Variants in CHL1 observed in about 807,000 individuals in gnomAD.
CHL1 encodes the protein neural cell adhesion molecule L1-like protein.
A neutral mutation model predicts 141.9 loss-of-function variants in CHL1; 96 were observed. That is an observed-to-expected ratio of 0.68 (90% CI 0.57 to 0.80). The LOEUF (loss-of-function observed/expected upper bound fraction) is 0.80. Among genes scored for constraint, CHL1 ranks in the 30% least tolerant of loss-of-function variants. The probability of loss-of-function intolerance (pLI) is 0.00; values close to 1 mark genes in which losing one functional copy is unlikely to be tolerated. For synonymous variants in CHL1, 613 were observed against 502.2 expected, an observed-to-expected ratio of 1.22 and a Z score of -2.95; for missense variants, 1,820 against 1,457.2, an observed-to-expected ratio of 1.25 and a Z score of -4.05.
intron 2 of CHL1, among the ~76,000 whole-genome samples, chr3:264,918 A>T (rs542428326): frequency 6.6e-6 from 1 of 152,292 alleles, no homozygotes; most frequent in South Asian, 2.1e-4. Context: ...CTTTATTTTG[A>T]ACACTAGGAA....
At chr3:289,870 T>A (rs1358364967) in intron 2 of CHL1, among the ~76,000 whole-genome samples, 1 of 151,354 alleles carries the variant, frequency 6.6e-6, no homozygotes, top group East Asian at 1.9e-4. Flanking sequence ...GAGCATCAAA[T>A]ATACCAAAAA....
intron 1 of CHL1, among the ~76,000 whole-genome samples, chr3:243,483 G>C (rs893925367): frequency 1.3e-5 from 2 of 152,126 alleles, no homozygotes; most frequent in African/African-American, 4.8e-5. Flanking sequence ...CTGAAAAGAG[G>C]TTACTAAACA....
chr3:319,379 G>C (rs549045389), intron 2 of CHL1, among the ~76,000 whole-genome samples: 1 of 151,486 alleles, frequency 6.6e-6, no homozygotes, highest in African/African-American at 2.4e-5. Flanking sequence ...TAAAATAGAA[G>C]TTGAGAATAA....
intron 11 of CHL1, 86 bp from the exon 12 acceptor site, chr3:360,194 TATAA>T (rs1271464698): frequency 1.4e-6 from 2 of 1,467,438 alleles, no homozygotes; most frequent in African/African-American, 2.8e-5. Context: ...GGTTTGAAAA[TATAA>T]ATACTGTGTG....
At chr3:220,867 G>C in intron 1 of CHL1, among the ~76,000 whole-genome samples, 1 of 152,192 alleles carries the variant, frequency 6.6e-6, no homozygotes, top group Non-Finnish European at 1.5e-5. Flanking sequence ...TAGTAAAGTT[G>C]AACATGTTTT....
At chr3:251,465 A>G (rs1693686404) in intron 2 of CHL1, among the ~76,000 whole-genome samples, 1 of 152,158 alleles carries the variant, frequency 6.6e-6, no homozygotes, top group Non-Finnish European at 1.5e-5. Flanking sequence ...TAATCATCTC[A>G]ACTACTGTTT....
At chr3:337,599 G>A (rs1186516053) in intron 5 of CHL1, among the ~76,000 whole-genome samples, 2 of 143,978 alleles carry the variant, frequency 1.4e-5, no homozygotes, top group Non-Finnish European at 3.0e-5. Flanking sequence ...TCCCACTTAT[G>A]AGTGAGAACA....
intron 23 of CHL1, among the ~76,000 whole-genome samples, chr3:394,224 C>T (rs538299626): frequency 6.6e-6 from 1 of 152,144 alleles, no homozygotes; most frequent in African/African-American, 2.4e-5. Context: ...CTATTTGGTG[C>T]CACATGTTAA....
chr3:270,410 C>T (rs918703438), intron 2 of CHL1, among the ~76,000 whole-genome samples: 7 of 152,074 alleles, frequency 4.6e-5, no homozygotes, highest in Non-Finnish European at 7.3e-5. Context: ...TCATAGGTAG[C>T]GAGGTTGAAA....
At position 211,663 on chromosome 3, in the gene CHL1, C is replaced by T. The variant is rs117945818; in HGVS notation, c.-175+14600C>T. ...TGACAAACATGAGTAGATGTTTTCC[C>T]CTCACAGTCTTGCCAAAAAGCACTT... On this transcript the variant is annotated intron_variant, in intron 1 of 27. Coordinates refer to ENST00000256509, the MANE Select transcript of CHL1 (RefSeq NM_006614.4). Among the ~76,000 whole-genome samples, 159 of 152,230 alleles carry T rather than the reference C, an allele frequency of 1.0e-3. 1 individual carries two copies. The South Asian group carries it at 0.024, about 23-fold the overall frequency.
intron 13 of CHL1, 143 bp downstream of exon 13, chr3:361,953 C>G (rs1405872719): frequency 3.4e-6 from 2 of 588,046 alleles, no homozygotes; most frequent in Non-Finnish European, 3.0e-6. Context: ...AACAAACTTA[C>G]CGGTCCAGGA....
In CHL1 at chr3:372,742, A is replaced by G. The variant is rs528033929; in HGVS notation, c.1752-5076A>G. ...ATCTTCATAAATTTGTCTTCCTTCT[A>G]TCTTTGAGGCTGCTGACACTTGGAT... On this transcript the variant is annotated intron_variant, in intron 15 of 27. Coordinates refer to ENST00000256509, the MANE Select transcript of CHL1 (RefSeq NM_006614.4). Among the ~76,000 whole-genome samples the G allele has an allele frequency of 1.6e-4, 24 of 151,030 alleles. 1 individual carries two copies. Among genetic ancestry groups the G allele is most frequent in the African/African-American group, 5.6e-4 (23 of 41,270 alleles).
chr3:288,829 T>C (rs1365191425), intron 2 of CHL1, among the ~76,000 whole-genome samples: 1 of 152,208 alleles, frequency 6.6e-6, no homozygotes, highest in Non-Finnish European at 1.5e-5. Flanking sequence ...TAAATATAGT[T>C]TGAGACAAGC....
intron 2 of CHL1, among the ~76,000 whole-genome samples, chr3:277,303 A>G (rs1696232708): frequency 6.6e-6 from 1 of 152,196 alleles, no homozygotes; most frequent in Non-Finnish European, 1.5e-5. Flanking sequence ...ACATCCTGGA[A>G]CCATAAAGGC....
intron 15 of CHL1, among the ~76,000 whole-genome samples, chr3:377,226 G>T (rs1364158049): frequency 6.6e-6 from 1 of 152,154 alleles, no homozygotes; most frequent in South Asian, 2.1e-4. Context: ...GAGGTGAAAT[G>T]ATTTGCAAAA....
At chr3:376,477 T>C (rs1469514022) in intron 15 of CHL1, 1 of 495,038 alleles carries the variant, frequency 2.0e-6, no homozygotes, top group Non-Finnish European at 4.0e-6. Context: ...CACCCAACGT[T>C]GATTAATTGG....
chr3:237,802 A>G (rs1053513134), intron 1 of CHL1, among the ~76,000 whole-genome samples: 1 of 151,078 alleles, frequency 6.6e-6, no homozygotes, highest in Non-Finnish European at 1.5e-5. Flanking sequence ...TGATATTAGA[A>G]AAAAATCACA....
intron 2 of CHL1, among the ~76,000 whole-genome samples, chr3:258,832 T>G (rs1268058765): frequency 6.6e-6 from 1 of 152,174 alleles, no homozygotes; most frequent in Non-Finnish European, 1.5e-5. Context: ...TACTAACTTT[T>G]TGGCAATTTC....
rs1349205836 is a variant in CHL1, at chr3:382,504, A to C, written c.2009A>C (p.Glu670Ala). The C allele has an allele frequency of 2.5e-6, 4 of 1,613,872 alleles. No individual in the cohort carries two copies. The highest frequency in any genetic ancestry group is 3.4e-6 in the Non-Finnish European group (4 of 1,179,748). ...ATTGTTGAATTTGAAGGAAACAAAG[A>C]AGAGCCTGGAAGGTGGGAGGAACTG... ...EYIVEFEGNK[E>A]EPGRWEELTR... Residue 670 changes from glutamate (E) to alanine (A), a missense_variant, in exon 18 of 28, where the codon GAA (glutamate) becomes GCA (alanine). By Grantham distance (107) the Glu-to-Ala change is moderately radical (BLOSUM62 -1). Transcript: ENST00000256509.
Sources: allele counts gnomAD v4.1 joint callset (sites outside exome capture counted in the v4.1 genomes callset), GRCh38; gene constraint gnomAD v4.1.1; transcripts MANE v1.5; gene names NCBI Gene and HGNC (gene_info 2026-07-23, HGNC 2026-07-21).